The following SYT7 variants were observed in gnomAD, a reference collection of about 807,000 sequenced individuals.
SYT7 encodes the protein synaptotagmin-7.
In SYT7, 29 loss-of-function variants were observed where a neutral mutation model predicts 75.1. The observed-to-expected ratio is 0.39, with a 90% CI of 0.29 to 0.53. The LOEUF (loss-of-function observed/expected upper bound fraction) is 0.53, where lower values mean the gene tolerates loss of function less well. Among genes scored for constraint, SYT7 ranks in the 20% least tolerant of loss-of-function variants. The probability of loss-of-function intolerance (pLI) is 0.77; values close to 1 mark genes in which losing one functional copy is unlikely to be tolerated. For missense variants in SYT7, 693 were observed against 953.2 expected (o/e 0.73, Z 3.59); for synonymous variants, 376 against 401.7 (o/e 0.94, Z 0.76).
At position 61,513,901 on chromosome 11, in the gene SYT7, C is replaced by T. The variant is rs1057544; in HGVS notation, c.*4726G>A. Among the ~76,000 whole-genome samples, 28,881 of 152,122 alleles carry T rather than the reference C, an allele frequency of 0.19. 3,278 individuals are homozygous for T. The highest frequency in any genetic ancestry group is 0.42 in the East Asian group (2,147 of 5,156). ...TGGTCTGGGGAGCCACGAGCTGGGG[C>T]ATCGGCGTGCTCAAGGCTTGTCCTT... On this transcript the variant is annotated 3_prime_UTR_variant, in exon 13 of 13. Transcript: ENST00000539008.
At chr11:61,567,162 G>A (rs1016228444) in intron 1 of SYT7, among the ~76,000 whole-genome samples, 2 of 152,204 alleles carry the variant, frequency 1.3e-5, no homozygotes, top group South Asian at 2.1e-4. Context: ...AGACCACTGC[G>A]GATCTGAATC....
At chr11:61,527,748 CAGGTGTG>C (rs1387073754) in intron 9 of SYT7, among the ~76,000 whole-genome samples, 160 bp downstream of exon 9, 1 of 151,778 alleles carries the variant, frequency 6.6e-6, no homozygotes, top group African/African-American at 2.4e-5. Flanking sequence ...TGCACACATG[CAGGTGTG>C]CACATAAGTG....
chr11:61,549,720 A>T (rs766778805), intron 3 of SYT7, among the ~76,000 whole-genome samples: 78 of 152,212 alleles, frequency 5.1e-4, no homozygotes, highest in Admixed American at 3.3e-4. Context: ...CTTCGGGGGC[A>T]GGCTAGGATT....
At chr11:61,541,165 C>T in intron 6 of SYT7, 1 of 985,606 alleles carries the variant, frequency 1.0e-6, no homozygotes, top group Non-Finnish European at 1.2e-6. Context: ...TGCTTGCCTT[C>T]AGAATCCCTA....
intron 1 of SYT7, among the ~76,000 whole-genome samples, chr11:61,565,324 G>C (rs1590936981): frequency 6.6e-6 from 1 of 152,206 alleles, no homozygotes; most frequent in Non-Finnish European, 1.5e-5. Context: ...GGCATGGAAA[G>C]GGGGACATTT....
chr11:61,559,740 T>C (rs1054222841), intron 1 of SYT7, among the ~76,000 whole-genome samples: 2 of 152,060 alleles, frequency 1.3e-5, no homozygotes, highest in Non-Finnish European at 2.9e-5. Flanking sequence ...AAAACCATCC[T>C]CAACCCCTGC....
intron 1 of SYT7, among the ~76,000 whole-genome samples, chr11:61,565,860 A>G (rs1246757628): frequency 6.6e-6 from 1 of 152,272 alleles, no homozygotes; most frequent in African/African-American, 2.4e-5. Context: ...CCTTGACTGT[A>G]ATAAAAACAG....
chr11:61,581,869 T>C (rs1045768506), upstream of SYT7, among the ~76,000 whole-genome samples: 2 of 152,220 alleles, frequency 1.3e-5, no homozygotes, highest in Admixed American at 6.5e-5. Flanking sequence ...CTTCCAACCC[T>C]GGACCTCTCT....
chr11:61,528,173 A>G lies in SYT7; in HGVS notation c.1213T>C (p.Ser405Pro), dbSNP rs1355617199. 6.2e-7 allele frequency: 1 copy of G among 1,610,904 alleles called. No individual in the cohort carries two copies. Among genetic ancestry groups the G allele is most frequent in the South Asian group, 1.1e-5 (1 of 91,036 alleles). Residue 405 changes from serine (S) to proline (P), a missense_variant, in exon 9 of 13, where the codon TCC (serine) becomes CCC (proline). By Grantham distance (74) the Ser-to-Pro change is moderately conservative (BLOSUM62 -1). Around this residue, in one of 2 missense-constraint regions of SYT7, gnomAD observed 487 missense variants for 593.2 expected, o/e 0.82. Transcript: ENST00000539008. The part of the protein sequence containing the change: ...TSEMLMLSPG[S>P]EEDEAHEGCS... The stretch of plus-strand genomic sequence containing the variant: ...CCCTCGTGGGCCTCATCCTCCTCGG[A>G]GCCTGGGGAGAGCTGGGGGTGGGGG...
chr11:61,523,158 G>A lies in SYT7; in HGVS notation c.1873C>T (p.Pro625Ser). 6.2e-7 allele frequency: 1 copy of A among 1,614,154 alleles called. No individual in the cohort carries two copies. Among genetic ancestry groups the A allele is most frequent in the Non-Finnish European group, 8.5e-7 (1 of 1,180,030 alleles). Residue 625 changes from proline (P) to serine (S), a missense_variant, in exon 12 of 13, where the codon CCC becomes TCC. Transcript: ENST00000539008. The surrounding 1 kb of genome is among the most constrained non-coding windows in gnomAD (Gnocchi z 5.0). ...IFNESFAFDIPTEKLRETTII... is the reference protein window; with the variant it reads ...IFNESFAFDISTEKLRETTII... Reference sequence around the variant, plus strand: ...GTCGTCTCCCTCAGCTTCTCCGTGGGGATATCGAAGGCGAAGGACTCATTG... The same window carrying A: ...GTCGTCTCCCTCAGCTTCTCCGTGGAGATATCGAAGGCGAAGGACTCATTG...
chr11:61,571,555 G>A (rs372068846), intron 1 of SYT7, among the ~76,000 whole-genome samples: 7 of 152,196 alleles, frequency 4.6e-5, no homozygotes, highest in East Asian at 1.9e-4. Flanking sequence ...TAGTGCCTGG[G>A]TGGCTGGCAC....
At chr11:61,543,108 G>A (rs958781505) in intron 5 of SYT7, among the ~76,000 whole-genome samples, 6 of 152,198 alleles carry the variant, frequency 3.9e-5, no homozygotes, top group Non-Finnish European at 8.8e-5. Context: ...TGGGGAGGCC[G>A]GGGAAGCCAT....
At chr11:61,537,636 C>A (rs914102912) in intron 7 of SYT7, among the ~76,000 whole-genome samples, 1 of 129,548 alleles carries the variant, frequency 7.7e-6, no homozygotes, top group African/African-American at 2.5e-5. Flanking sequence ...TCTCCCATGC[C>A]CCAGACCCTC....
At chr11:61,585,144 C>T (rs1017066802), upstream of SYT7, among the ~76,000 whole-genome samples, 1 of 152,230 alleles carries the variant, frequency 6.6e-6, no homozygotes, top group East Asian at 1.9e-4. Context: ...CCTGATGCTG[C>T]CTGGCTCTGT....
chr11:61,555,531 A>T (rs2063475125), intron 2 of SYT7, among the ~76,000 whole-genome samples: 2 of 152,068 alleles, frequency 1.3e-5, no homozygotes, highest in Non-Finnish European at 2.9e-5. Flanking sequence ...TGATGGACTA[A>T]TCCTGCTCGT....
intron 1 of SYT7, among the ~76,000 whole-genome samples, chr11:61,571,085 C>A (rs1455683186): frequency 6.6e-6 from 1 of 152,224 alleles, no homozygotes; most frequent in East Asian, 1.9e-4. Flanking sequence ...GCACAAGGCA[C>A]ATCTGGGATT....
rs2064255405 is a variant in SYT7, at chr11:61,581,059, C to T, written c.-239G>A. ...ACAGCGCCGAGCCGCCTCCCTCCGG[C>T]CTGCGCGCCGCGTGTGCGCGCCGGA... On this transcript the variant is annotated 5_prime_UTR_variant, in exon 1 of 13. Transcript: ENST00000539008. The T allele has an allele frequency of 3.5e-6, 2 of 573,996 alleles. No individual in the cohort carries two copies. 35.6% of individuals were successfully genotyped at this position (573,996 alleles called of 1,614,324 possible). A position where few individuals can be genotyped will look rare whatever the true frequency, so the allele number is the denominator to read the frequency against.
Position 61,517,833 on chromosome 11 carries a change from A to C in SYT7, c.*794T>G. ...CAGATTCTGAGCAGAGGGGGGCACC[A>C]AGGGGAGAAGGGGAGGAGACGGGGG... On this transcript the variant is annotated 3_prime_UTR_variant, in exon 13 of 13. Coordinates refer to ENST00000539008, the MANE Select transcript of SYT7 (RefSeq NM_001365809.2). 3.5e-6 allele frequency: 1 copy of C among 288,254 alleles called. No homozygotes were observed. Among genetic ancestry groups the C allele is most frequent in the Non-Finnish European group, 6.4e-6 (1 of 156,648 alleles). 17.9% of individuals were successfully genotyped at this position (288,254 alleles called of 1,614,324 possible). A position where few individuals can be genotyped will look rare whatever the true frequency, so the allele number is the denominator to read the frequency against.
rs368961138 is a variant in SYT7 at position 61,528,140 on chromosome 11, G to C, written c.1246C>G (p.Arg416Gly). 6.2e-6 allele frequency: 10 copies of C among 1,612,972 alleles called. No individual in the cohort carries two copies. The highest frequency in any genetic ancestry group is 1.6e-4 in the Middle Eastern group (1 of 6,084). Residue 416 changes from arginine to glycine, a missense_variant, in exon 9 of 13, where the codon CGA becomes GGA. Around this residue, in one of 2 missense-constraint regions of SYT7, gnomAD observed 487 missense variants for 593.2 expected, o/e 0.82. Coordinates refer to ENST00000539008, the MANE Select transcript of SYT7 (RefSeq NM_001365809.2). Reference sequence around the variant, plus strand: ...AACTGGATCCGGCCCAGGTTCTCTCGGCTGCAACCCTCGTGGGCCTCATCC... The same window carrying C: ...AACTGGATCCGGCCCAGGTTCTCTCCGCTGCAACCCTCGTGGGCCTCATCC... ...EEDEAHEGCS[R>G]ENLGRIQFSV...
Sources: allele counts gnomAD v4.1 joint callset (sites outside exome capture counted in the v4.1 genomes callset), GRCh38; gene constraint gnomAD v4.1.1; regional missense constraint gnomAD v4.1.1; non-coding constraint Gnocchi (gnomAD v3.1); transcripts MANE v1.5; gene names NCBI Gene and HGNC (gene_info 2026-07-23, HGNC 2026-07-21).